OXR1: variants seen among roughly 807,000 people sequenced by gnomAD.
OXR1 encodes the protein oxidation resistance protein 1.
Under a neutral mutation model 104.6 loss-of-function variants are expected in OXR1, and 41 were observed. That is an observed-to-expected ratio of 0.39 (90% confidence interval 0.31 to 0.51). The LOEUF (loss-of-function observed/expected upper bound fraction) is 0.51. Ranked by LOEUF, OXR1 falls within the 20% of genes least tolerant of loss-of-function variation. OXR1 has a pLI of 0.77. For missense variants in OXR1, 955 were observed against 1,031.9 expected (o/e 0.93, Z 1.02); for synonymous variants, 348 against 348.4 (o/e 1.00, Z 0.01).
intron 7 of OXR1, among the ~76,000 whole-genome samples, chr8:106,700,932 G>A (rs1275680447): frequency 6.6e-6 from 1 of 151,942 alleles, no homozygotes; most frequent in African/African-American, 2.4e-5. Context: ...TACAGAAGAT[G>A]GGAGAGAGAA....
Position 106,384,048 on chromosome 8 carries a change from A to G in OXR1, c.23+24412A>G, listed in dbSNP as rs56346414. 2.5e-3 allele frequency among the ~76,000 whole-genome samples: 379 copies of G among 152,356 alleles called. 3 individuals are homozygous for G. The highest frequency in any genetic ancestry group is 8.8e-3 in the African/African-American group (365 of 41,594). On this transcript the variant is annotated intron_variant, in intron 2 of 16. Coordinates refer to ENST00000517566, the MANE Select transcript of OXR1 (RefSeq NM_001198533.2). ...GGGGAAGACTTCATCTGTGTGCTAT[A>G]GTAGTTAGATCACATGTAGAGTAGG...
chr8:106,401,364 G>A (rs1303630122), intron 2 of OXR1, among the ~76,000 whole-genome samples: 1 of 152,122 alleles, frequency 6.6e-6, no homozygotes. Context: ...CTCTAATTAA[G>A]CGTTCGGTGT....
intron 1 of OXR1, among the ~76,000 whole-genome samples, chr8:106,285,286 A>G (rs1812449930): frequency 6.6e-6 from 1 of 152,228 alleles, no homozygotes; most frequent in Non-Finnish European, 1.5e-5. Context: ...TTGAGTAAGA[A>G]TGTAAAATGC....
At chr8:106,707,346 T>C (rs892704576) in intron 9 of OXR1, 3 of 656,064 alleles carry the variant, frequency 4.6e-6, no homozygotes, top group Admixed American at 2.8e-5. Flanking sequence ...ATTGTACACA[T>C]AATGAGCATC....
chr8:106,705,946 T>C (rs927758082), intron 8 of OXR1, among the ~76,000 whole-genome samples: 4 of 152,180 alleles, frequency 2.6e-5, no homozygotes, highest in African/African-American at 9.6e-5. Context: ...TGTGTGTGTG[T>C]ATATCTATGG....
chr8:106,298,429 C>T (rs913538593), intron 1 of OXR1, among the ~76,000 whole-genome samples: 6 of 152,078 alleles, frequency 3.9e-5, no homozygotes, highest in Admixed American at 3.9e-4. Flanking sequence ...AGGAAAAACC[C>T]GTCCCCATGA....
At chr8:106,741,872 C>T (rs573465110) in intron 14 of OXR1, among the ~76,000 whole-genome samples, 5 of 152,118 alleles carry the variant, frequency 3.3e-5, no homozygotes, top group South Asian at 2.1e-4. Flanking sequence ...TATTAAGCAC[C>T]GCAATCCCAT....
chr8:106,589,626 A>G (rs1420613394), intron 3 of OXR1, among the ~76,000 whole-genome samples: 1 of 152,136 alleles, frequency 6.6e-6, no homozygotes, highest in Non-Finnish European at 1.5e-5. Context: ...TTTTCCTTGG[A>G]ACTAGACTGT....
At chr8:106,750,157 C>CA (rs35035369) in intron 16 of OXR1, among the ~76,000 whole-genome samples, 57,404 of 145,058 alleles carry the variant, frequency 0.4, 11,895 homozygotes, top group Admixed American at 0.49. Flanking sequence ...CACACATACA[C>CA]AAAAAAAAAA....
chr8:106,723,645 C>T (rs1361034555), intron 11 of OXR1, among the ~76,000 whole-genome samples: 3 of 151,648 alleles, frequency 2.0e-5, no homozygotes, highest in Non-Finnish European at 4.4e-5. Flanking sequence ...GTACTCCAGC[C>T]TGGGCAACAG....
intron 2 of OXR1, among the ~76,000 whole-genome samples, chr8:106,457,717 A>G (rs1820677248): frequency 6.6e-6 from 1 of 152,190 alleles, no homozygotes; most frequent in Non-Finnish European, 1.5e-5. Flanking sequence ...AGAAATATAG[A>G]CAGTAAATGC....
intron 2 of OXR1, among the ~76,000 whole-genome samples, chr8:106,425,175 C>T (rs1195167266): frequency 2.1e-5 from 3 of 141,296 alleles, no homozygotes; most frequent in Non-Finnish European, 4.5e-5. Context: ...GTGACCATGG[C>T]TCATTGCAGC....
intron 3 of OXR1, 92 bp from the exon 4 acceptor site, chr8:106,679,118 T>TA: frequency 1.5e-6 from 1 of 662,322 alleles, no homozygotes; most frequent in Non-Finnish European, 2.6e-6. Flanking sequence ...ACTAGTAAAT[T>TA]AGACATCTGC....
intron 3 of OXR1, among the ~76,000 whole-genome samples, chr8:106,610,146 T>C (rs1820708554): frequency 2.0e-5 from 3 of 151,906 alleles, no homozygotes; most frequent in African/African-American, 7.3e-5. Context: ...CCAGTTGCCT[T>C]CAGTGTTCTT....
chr8:106,421,109 T>G (rs1055227479), intron 2 of OXR1, among the ~76,000 whole-genome samples: 1 of 152,136 alleles, frequency 6.6e-6, no homozygotes, highest in Admixed American at 6.6e-5. Flanking sequence ...ATAGAATTAT[T>G]AAGATAAGCA....
intron 2 of OXR1, among the ~76,000 whole-genome samples, chr8:106,515,180 T>A (rs914452809): frequency 3.9e-5 from 6 of 152,114 alleles, no homozygotes; most frequent in African/African-American, 1.4e-4. Flanking sequence ...TTATTTATCT[T>A]CTTTTTTATT....
chr8:106,338,211 A>G (rs191719408), intron 1 of OXR1, among the ~76,000 whole-genome samples: 15 of 152,242 alleles, frequency 9.9e-5, no homozygotes, highest in Non-Finnish European at 2.2e-4. Flanking sequence ...GTTTTTCCTC[A>G]AAATAGGAGA....
intron 3 of OXR1, among the ~76,000 whole-genome samples, chr8:106,613,884 G>C (rs1056443820): frequency 6.6e-6 from 1 of 152,076 alleles, no homozygotes. Flanking sequence ...GCCATCCCCT[G>C]GAAAGCCTTG....
chr8:106,609,230 G>A (rs1428121196), intron 3 of OXR1, among the ~76,000 whole-genome samples: 1 of 151,934 alleles, frequency 6.6e-6, no homozygotes, highest in African/African-American at 2.4e-5. Context: ...ACAAAAAAGA[G>A]CCCATCTCAA....
Sources: gnomAD v4.1 joint callset for allele counts (sites outside exome capture counted in the v4.1 genomes callset) on GRCh38, gnomAD v4.1.1 for gene constraint, MANE v1.5 for transcripts, NCBI Gene and HGNC (gene_info 2026-07-23, HGNC 2026-07-21) for gene names.